The following BTBD9 variants were observed in gnomAD, a reference collection of about 807,000 sequenced individuals.
BTBD9 encodes BTB domain containing 9.
BTBD9 carries 49 observed loss-of-function variants against 64.3 expected under a neutral mutation model. That is an observed-to-expected ratio of 0.76 (90% CI 0.61 to 0.97). The LOEUF (loss-of-function observed/expected upper bound fraction) is 0.97. Among genes scored for constraint, BTBD9 ranks in the 50% least tolerant of loss-of-function variants. The pLI, the probability that BTBD9 is intolerant of heterozygous loss-of-function variation, is 0.00. For missense variants in BTBD9, 598 were observed against 762.1 expected (o/e 0.78, Z 2.53); for synonymous variants, 260 against 274.7 (o/e 0.95, Z 0.53).
At chr6:38,456,075 C>T (rs763576331) in intron 6 of BTBD9, among the ~76,000 whole-genome samples, 1 of 152,080 alleles carries the variant, frequency 6.6e-6, no homozygotes, top group Non-Finnish European at 1.5e-5. Flanking sequence ...CCTCTGCCTC[C>T]GGGGATCAAT....
At chr6:38,366,745 G>C (rs906335303) in intron 6 of BTBD9, among the ~76,000 whole-genome samples, 1 of 152,194 alleles carries the variant, frequency 6.6e-6, no homozygotes, top group Non-Finnish European at 1.5e-5. Flanking sequence ...ATCTTATAGG[G>C]ACTTTTTGGA....
intron 9 of BTBD9, among the ~76,000 whole-genome samples, chr6:38,201,359 T>C (rs189605445): frequency 6.2e-4 from 95 of 152,318 alleles, no homozygotes; most frequent in Admixed American, 2.0e-3. Context: ...ATCATTTCAA[T>C]AGACACAGAA....
intron 7 of BTBD9, among the ~76,000 whole-genome samples, chr6:38,321,834 C>T (rs1023987145): frequency 6.6e-6 from 1 of 151,988 alleles, no homozygotes; most frequent in African/African-American, 2.4e-5. Flanking sequence ...CACACACACA[C>T]ACACACACAA....
chr6:38,296,940 T>C (rs1762175782), intron 7 of BTBD9, among the ~76,000 whole-genome samples: 1 of 152,218 alleles, frequency 6.6e-6, no homozygotes, highest in African/African-American at 2.4e-5. Context: ...TATGAATGTC[T>C]TATGTGTGCC....
At chr6:38,193,742 G>C in intron 9 of BTBD9, 1 of 804,080 alleles carries the variant, frequency 1.2e-6, no homozygotes, top group East Asian at 1.4e-4. Flanking sequence ...GCCAGCTGCT[G>C]GAAGCTGTTT....
At chr6:38,502,186 C>T (rs1772236626) in intron 6 of BTBD9, among the ~76,000 whole-genome samples, 1 of 152,176 alleles carries the variant, frequency 6.6e-6, no homozygotes, top group African/African-American at 2.4e-5. Context: ...AGCTGCTCAC[C>T]ATGGTCTGTT....
chr6:38,288,892 G>A (rs917917201), intron 7 of BTBD9, among the ~76,000 whole-genome samples: 10 of 152,104 alleles, frequency 6.6e-5, no homozygotes, highest in African/African-American at 9.6e-5. Flanking sequence ...GCATCACTGC[G>A]CTCCAGCCTG....
chr6:38,352,306 A>C lies in BTBD9; in HGVS notation c.1155-7213T>G, dbSNP rs889335564. ...GTGGGAGGATCAATTAAGCCCAGGA[A>C]GTTGAGGCTGTAGTGAGCCATGATC... On this transcript the variant is annotated intron_variant, in intron 6 of 10. Coordinates refer to ENST00000481247, the MANE Select transcript of BTBD9 (RefSeq NM_001099272.2). Among the ~76,000 whole-genome samples the C allele has an allele frequency of 1.6e-4, 24 of 151,784 alleles. 1 individual carries two copies. The highest frequency in any genetic ancestry group is 5.3e-4 in the African/African-American group (22 of 41,308).
intron 6 of BTBD9, among the ~76,000 whole-genome samples, chr6:38,521,776 G>A (rs1773281127): frequency 6.6e-6 from 1 of 152,102 alleles, no homozygotes; most frequent in African/African-American, 2.4e-5. Flanking sequence ...CTGCGTTTAA[G>A]CAATTCTCCT....
chr6:38,269,116 T>A lies in BTBD9; in HGVS notation c.1455-12600A>T, dbSNP rs184408202. Among the ~76,000 whole-genome samples the A allele has an allele frequency of 2.0e-4, 30 of 152,318 alleles. No individual in the cohort carries two copies. The East Asian group carries it at 5.2e-3, about 26-fold the overall frequency. ...ACTTAGAATAAGTACATTTTTCTGT[T>A]TGAAAGCTGAGGTGTCTGATAAATC... On this transcript the variant is annotated intron_variant, in intron 8 of 10. Transcript: ENST00000481247.
chr6:38,340,745 C>T (rs947071417), intron 7 of BTBD9, among the ~76,000 whole-genome samples: 37 of 152,090 alleles, frequency 2.4e-4, no homozygotes, highest in African/African-American at 8.2e-4. Context: ...GAAGGAATGA[C>T]GTATTTGGAA....
chr6:38,244,819 A>C (rs1184824931), intron 9 of BTBD9, among the ~76,000 whole-genome samples: 1 of 152,234 alleles, frequency 6.6e-6, no homozygotes, highest in African/African-American at 2.4e-5. Context: ...GCTATAAATG[A>C]GCCAAAGATG....
intron 8 of BTBD9, among the ~76,000 whole-genome samples, chr6:38,277,968 C>A (rs1164661923): frequency 6.6e-6 from 1 of 152,164 alleles, no homozygotes; most frequent in Non-Finnish European, 1.5e-5. Flanking sequence ...GTTTCTTAGC[C>A]AACCTTGCTA....
At chr6:38,432,242 C>T (rs919404296) in intron 6 of BTBD9, among the ~76,000 whole-genome samples, 7 of 152,004 alleles carry the variant, frequency 4.6e-5, no homozygotes, top group African/African-American at 7.3e-5. Flanking sequence ...CAGCCTCCAG[C>T]GCTGTGAGCC....
intron 8 of BTBD9, among the ~76,000 whole-genome samples, chr6:38,283,922 T>C (rs544772505): frequency 2.0e-5 from 3 of 152,286 alleles, no homozygotes; most frequent in Non-Finnish European, 4.4e-5. Flanking sequence ...CAATTACTCA[T>C]CCCCATGAAA....
intron 4 of BTBD9, among the ~76,000 whole-genome samples, chr6:38,591,308 T>C (rs1475760588): frequency 6.6e-6 from 1 of 152,196 alleles, no homozygotes; most frequent in Non-Finnish European, 1.5e-5. Context: ...ACCTCATGAT[T>C]CTTCCCATCT....
chr6:38,612,138 C>G (rs1777635231), intron 1 of BTBD9, among the ~76,000 whole-genome samples: 1 of 152,172 alleles, frequency 6.6e-6, no homozygotes, highest in Non-Finnish European at 1.5e-5. Context: ...ATTTTCAGAA[C>G]ACAGGAAGGG....
At chr6:38,581,782 GTGTTTC>G (rs1776294178) in intron 4 of BTBD9, among the ~76,000 whole-genome samples, 2 of 152,060 alleles carry the variant, frequency 1.3e-5, no homozygotes, top group African/African-American at 4.8e-5. Flanking sequence ...TATCCCCCAG[GTGTTTC>G]TGTTTAAGAA....
At chr6:38,213,953 G>A (rs919505565) in intron 9 of BTBD9, among the ~76,000 whole-genome samples, 6 of 151,704 alleles carry the variant, frequency 4.0e-5, no homozygotes, top group Non-Finnish European at 5.9e-5. Flanking sequence ...CTGAGATTGC[G>A]CCACTGCACT....
Sources: allele counts gnomAD v4.1 joint callset (sites outside exome capture counted in the v4.1 genomes callset), GRCh38; gene constraint gnomAD v4.1.1; transcripts MANE v1.5; gene names NCBI Gene and HGNC (gene_info 2026-07-23, HGNC 2026-07-21).